Variants in LRP1B observed in about 807,000 individuals in gnomAD.
LRP1B encodes the protein LDL receptor related protein 1B, also known as low-density lipoprotein receptor-related protein 1B.
LRP1B carries 217 observed loss-of-function variants against 556.6 expected under a neutral mutation model. The observed-to-expected ratio is 0.39, with a 90% CI of 0.35 to 0.44. The LOEUF (loss-of-function observed/expected upper bound fraction) is 0.44, where lower values mean the gene tolerates loss of function less well. Ranked by LOEUF, LRP1B falls within the 20% of genes least tolerant of loss-of-function variation. The pLI is 1.00. For missense variants in LRP1B, 5,053 were observed against 5,620.8 expected, an observed-to-expected ratio of 0.90 and a Z score of 3.23; for synonymous variants, 2,047 against 1,865.8, an observed-to-expected ratio of 1.10 and a Z score of -2.50.
intron 17 of LRP1B, among the ~76,000 whole-genome samples, chr2:140,989,210 C>T (rs1190479168): frequency 6.6e-6 from 1 of 151,944 alleles, no homozygotes; most frequent in Non-Finnish European, 1.5e-5. Flanking sequence ...TGGCCTATAT[C>T]ACAGCATGCT....
At chr2:141,093,187 C>G (rs149641739) in intron 7 of LRP1B, among the ~76,000 whole-genome samples, 1 of 151,654 alleles carries the variant, frequency 6.6e-6, no homozygotes. Context: ...TAGAAGGAAA[C>G]TCATGGATAA....
chr2:141,097,894 A>T (rs1489547004), intron 7 of LRP1B, among the ~76,000 whole-genome samples: 1 of 152,194 alleles, frequency 6.6e-6, no homozygotes, highest in African/African-American at 2.4e-5. Flanking sequence ...GTGAGCCTAG[A>T]ACTATGTTTG....
At chr2:140,481,012 C>T (rs1034048546) in intron 59 of LRP1B, among the ~76,000 whole-genome samples, 1 of 152,064 alleles carries the variant, frequency 6.6e-6, no homozygotes, top group Admixed American at 6.5e-5. Context: ...GATTACAGGC[C>T]TGTGTCAACA....
chr2:140,856,718 C>G (rs1364504539), intron 27 of LRP1B, among the ~76,000 whole-genome samples: 1 of 151,242 alleles, frequency 6.6e-6, no homozygotes, highest in Non-Finnish European at 1.5e-5. Flanking sequence ...AGGTGATACG[C>G]TGGCGGGAAC....
intron 2 of LRP1B, among the ~76,000 whole-genome samples, chr2:141,534,743 C>T (rs1423678063): frequency 6.6e-6 from 1 of 152,162 alleles, no homozygotes; most frequent in African/African-American, 2.4e-5. Context: ...AAACTAAAAA[C>T]AGAAGAGGAA....
chr2:140,570,305 A>T (rs1681277455), intron 43 of LRP1B, among the ~76,000 whole-genome samples: 1 of 151,602 alleles, frequency 6.6e-6, no homozygotes, highest in Non-Finnish European at 1.5e-5. Flanking sequence ...CAGGAAAAAA[A>T]AACAAAAGAC....
At chr2:141,029,715 G>A (rs982657670) in intron 11 of LRP1B, among the ~76,000 whole-genome samples, 4 of 152,122 alleles carry the variant, frequency 2.6e-5, no homozygotes, top group Non-Finnish European at 5.9e-5. Context: ...TGATACTCAT[G>A]TGGTGAGCAA....
At chr2:141,799,378 T>C (rs866608320) in intron 2 of LRP1B, among the ~76,000 whole-genome samples, 5 of 152,154 alleles carry the variant, frequency 3.3e-5, no homozygotes, top group African/African-American at 1.2e-4. Context: ...ATTTGAATCA[T>C]GAAACGTGAG....
In LRP1B at chr2:140,950,138, C is replaced by A. The variant is rs1032806546; in HGVS notation, c.3136+97G>T. 7.8e-6 allele frequency: 7 copies of A among 893,440 alleles called. No individual in the cohort carries two copies. The African/African-American group carries it at 7.9e-5, about 10-fold the overall frequency. The allele number at this position is 893,440 out of a possible 1,614,324, so 55.3% of individuals were successfully genotyped here. On this transcript the variant is annotated intron_variant, in intron 20 of 90. Transcript: ENST00000389484. The stretch of plus-strand genomic sequence containing the variant: ...CACATGTATATTCTTGCCTAATAAG[C>A]AATTTCTTTTTATACAATATTCTCT...
At chr2:141,248,847 C>A (rs1172663643) in intron 4 of LRP1B, among the ~76,000 whole-genome samples, 3 of 152,002 alleles carry the variant, frequency 2.0e-5, no homozygotes, top group African/African-American at 7.2e-5. Context: ...TAATTTTATC[C>A]AAGAAATTGT....
chr2:141,083,310 A>G (rs2104889602), intron 7 of LRP1B, among the ~76,000 whole-genome samples: 1 of 152,220 alleles, frequency 6.6e-6, no homozygotes, highest in Admixed American at 6.5e-5. Context: ...TAAAAATGTT[A>G]GCTAAAACTT....
chr2:140,448,359 T>G (rs993125336), intron 63 of LRP1B, among the ~76,000 whole-genome samples: 2 of 152,130 alleles, frequency 1.3e-5, no homozygotes, highest in Admixed American at 1.3e-4. Flanking sequence ...TCAACCACAG[T>G]GTCCATCAAT....
chr2:141,945,931 GATTTATTTATTT>G (rs140141783), intron 1 of LRP1B, among the ~76,000 whole-genome samples: 15 of 151,026 alleles, frequency 9.9e-5, no homozygotes, highest in South Asian at 4.2e-4. Flanking sequence ...AAACCAGCAG[GATTTATTTATTT>G]ATTTATTTAT....
At chr2:141,493,887 C>T (rs937695139) in intron 2 of LRP1B, among the ~76,000 whole-genome samples, 2 of 152,164 alleles carry the variant, frequency 1.3e-5, no homozygotes, top group Non-Finnish European at 2.9e-5. Context: ...TCACTTGACC[C>T]TAGGTTGTCC....
intron 2 of LRP1B, among the ~76,000 whole-genome samples, chr2:141,495,928 A>C (rs1050547016): frequency 6.6e-6 from 1 of 152,102 alleles, no homozygotes; most frequent in Non-Finnish European, 1.5e-5. Flanking sequence ...CAATGGTAGA[A>C]TAGCACAGTA....
At chr2:141,667,099 C>T (rs1690470602) in intron 2 of LRP1B, among the ~76,000 whole-genome samples, 1 of 152,030 alleles carries the variant, frequency 6.6e-6, no homozygotes, top group South Asian at 2.1e-4. Flanking sequence ...TCATTATTTA[C>T]ATATTCTCCT....
chr2:141,832,499 G>A (rs796326633), intron 1 of LRP1B, among the ~76,000 whole-genome samples: 2 of 151,672 alleles, frequency 1.3e-5, no homozygotes, highest in African/African-American at 4.8e-5. Context: ...CTTTAGGCGA[G>A]CTCGAAAAAT....
intron 2 of LRP1B, among the ~76,000 whole-genome samples, chr2:141,627,746 A>G (rs1447529284): frequency 6.6e-6 from 1 of 152,214 alleles, no homozygotes; most frequent in African/African-American, 2.4e-5. Context: ...GTTGATGTAC[A>G]ACACCAAGAA....
At chr2:141,663,606 C>A (rs1019062040) in intron 2 of LRP1B, among the ~76,000 whole-genome samples, 2 of 152,130 alleles carry the variant, frequency 1.3e-5, no homozygotes, top group Admixed American at 6.5e-5. Flanking sequence ...GGATACATTT[C>A]TGGACAATGC....
Sources: allele counts gnomAD v4.1 joint callset (sites outside exome capture counted in the v4.1 genomes callset), GRCh38; gene constraint gnomAD v4.1.1; transcripts MANE v1.5; gene names NCBI Gene and HGNC (gene_info 2026-07-23, HGNC 2026-07-21).